The following PLB1 variants were observed in gnomAD, a reference collection of about 807,000 sequenced individuals.
PLB1 encodes the protein phospholipase B1.
A neutral mutation model predicts 227.4 loss-of-function variants in PLB1; 242 were observed. That is an observed-to-expected ratio of 1.06 (90% CI 0.96 to 1.18). The LOEUF (loss-of-function observed/expected upper bound fraction) is 1.18. Ranked by LOEUF, PLB1 falls within the 50% of genes most tolerant of loss-of-function variation. The pLI, the probability that PLB1 is intolerant of heterozygous loss-of-function variation, is 0.00. For missense variants in PLB1, 1,858 were observed against 1,816.3 expected (o/e 1.02, Z -0.42); for synonymous variants, 757 against 682.2 (o/e 1.11, Z -1.71).
intron 30 of PLB1, 32 bp from the exon 31 acceptor site, chr2:28,591,668 C>A (rs1264449949): frequency 6.2e-7 from 1 of 1,610,322 alleles, no homozygotes; most frequent in African/African-American, 1.3e-5. Context: ...CCTTTCAACC[C>A]TGAGATTCTG....
intron 4 of PLB1, among the ~76,000 whole-genome samples, chr2:28,523,371 CAT>C (rs1669798743): frequency 8.7e-6 from 1 of 114,842 alleles, no homozygotes; most frequent in African/African-American, 3.3e-5. Flanking sequence ...AACTCAGTGT[CAT>C]AGATATTTTT....
intron 1 of PLB1, among the ~76,000 whole-genome samples, chr2:28,506,004 A>C (rs1364143355): frequency 6.6e-6 from 1 of 152,160 alleles, no homozygotes; most frequent in Non-Finnish European, 1.5e-5. Context: ...AGAGGCTCAG[A>C]AGTTCTACTT....
Position 28,626,462 on chromosome 2 carries a change from C to A in PLB1, c.3614C>A (p.Thr1205Lys). 1 of 1,614,212 alleles carries A rather than the reference C, an allele frequency of 6.2e-7. No homozygotes were observed. Among genetic ancestry groups the A allele is most frequent in the Non-Finnish European group, 8.5e-7 (1 of 1,180,036 alleles). Residue 1205 changes from threonine to lysine, a missense_variant, in exon 51 of 58, where the codon ACA becomes AAA. Transcript: ENST00000327757. ...INLEKDWKLV[T>K]LFIGVNDLCH... is the part of the protein sequence containing the mutation. ...CTGGAGAAAGACTGGAAGCTGGTCA[C>A]ACTCTTCATTGGGGTCAACGACTTG... is the stretch of plus-strand genomic sequence containing the variant.
At chr2:28,565,140 A>G (rs890514026) in intron 18 of PLB1, 140 bp from the exon 19 acceptor site, 1 of 647,840 alleles carries the variant, frequency 1.5e-6, no homozygotes, top group Admixed American at 2.6e-5. Flanking sequence ...ATATGGAGAC[A>G]TGGTGCCATC....
At chr2:28,525,357 C>T (rs1670101471) in intron 5 of PLB1, 50 bp downstream of exon 5, 1 of 1,567,766 alleles carries the variant, frequency 6.4e-7, no homozygotes, top group Non-Finnish European at 8.7e-7. Context: ...GAGATGCTCC[C>T]ATCTAATCTT....
chr2:28,536,281 C>T (rs562566356), intron 9 of PLB1, among the ~76,000 whole-genome samples: 7 of 152,268 alleles, frequency 4.6e-5, no homozygotes, highest in African/African-American at 1.7e-4. Context: ...ACTCTGAAGG[C>T]AGGTGCTTTG....
intron 56 of PLB1, among the ~76,000 whole-genome samples, chr2:28,637,154 G>T (rs565381516): frequency 6.6e-6 from 1 of 152,036 alleles, no homozygotes; most frequent in Non-Finnish European, 1.5e-5. Context: ...TTAGCCAAGC[G>T]TGGTGGCACG....
At chr2:28,618,619 C>T (rs772052787) in intron 46 of PLB1, among the ~76,000 whole-genome samples, 2 of 152,218 alleles carry the variant, frequency 1.3e-5, no homozygotes. Flanking sequence ...GAGGCCTCCC[C>T]TCAATTCCCC....
At position 28,526,908 on chromosome 2, in the gene PLB1, A is replaced by G. The variant is rs537098822; in HGVS notation, c.325+963A>G. Reference sequence around the variant, plus strand: ...TCCAGCAGGGAAGGTTGAGCCTGGCAGTTCAGCCCTCCTGGATCTGATTGA... The same window carrying G: ...TCCAGCAGGGAAGGTTGAGCCTGGCGGTTCAGCCCTCCTGGATCTGATTGA... On this transcript the variant is annotated intron_variant, in intron 6 of 57. Coordinates refer to ENST00000327757, the MANE Select transcript of PLB1 (RefSeq NM_153021.5). Among the ~76,000 whole-genome samples the G allele has an allele frequency of 1.1e-4, 17 of 152,310 alleles. No homozygotes were observed. In the South Asian group the frequency reaches 3.5e-3, roughly 32 times the overall value.
intron 20 of PLB1, among the ~76,000 whole-genome samples, chr2:28,567,917 T>C (rs1423310481): frequency 6.6e-6 from 1 of 152,216 alleles, no homozygotes; most frequent in South Asian, 2.1e-4. Flanking sequence ...TAATTTTGCC[T>C]GGGAGGAATT....
At chr2:28,508,746 G>A (rs1009695110) in intron 1 of PLB1, among the ~76,000 whole-genome samples, 1 of 152,208 alleles carries the variant, frequency 6.6e-6, no homozygotes, top group African/African-American at 2.4e-5. Flanking sequence ...CACCCTTGCT[G>A]GTGTGGTCTG....
intron 56 of PLB1, among the ~76,000 whole-genome samples, chr2:28,638,159 T>C (rs191531003): frequency 6.6e-6 from 1 of 151,664 alleles, no homozygotes; most frequent in East Asian, 2.0e-4. Context: ...AGACAGATAA[T>C]CAACAAGGTC....
chr2:28,551,091 A>C (rs976150594), intron 16 of PLB1, among the ~76,000 whole-genome samples: 1 of 152,234 alleles, frequency 6.6e-6, no homozygotes, highest in Non-Finnish European at 1.5e-5. Context: ...GTTTTGATGT[A>C]AGACAGATTC....
chr2:28,601,505 T>C (rs1013464253), intron 37 of PLB1, among the ~76,000 whole-genome samples, 173 bp downstream of exon 37: 5 of 138,898 alleles, frequency 3.6e-5, no homozygotes, highest in Admixed American at 6.9e-5. Context: ...ACACACTTCT[T>C]ACCCCACCAC....
At chr2:28,582,625 A>G (rs918376035) in intron 25 of PLB1, 120 bp downstream of exon 25, 23 of 741,936 alleles carry the variant, frequency 3.1e-5, no homozygotes, top group South Asian at 5.4e-5. Flanking sequence ...TGACCACCCC[A>G]TCTTCTAACC....
chr2:28,603,371 A>G (rs1684196764), intron 39 of PLB1, among the ~76,000 whole-genome samples: 1 of 152,236 alleles, frequency 6.6e-6, no homozygotes, highest in African/African-American at 2.4e-5. Context: ...AAACTGGGCC[A>G]TAAGTACATG....
chr2:28,620,150 A>T, intron 46 of PLB1, 115 bp from the exon 47 acceptor site: 1 of 613,656 alleles, frequency 1.6e-6, no homozygotes, highest in Non-Finnish European at 2.8e-6. Flanking sequence ...AAAAGCCGGT[A>T]CTATTTTTAG....
chr2:28,598,621 C>T (rs754481347), intron 34 of PLB1, 31 bp from the exon 35 acceptor site: 2 of 1,547,708 alleles, frequency 1.3e-6, no homozygotes, highest in Non-Finnish European at 8.9e-7. Context: ...CTGTTCTGAG[C>T]CGTCTGCATC....
At chr2:28,589,926 C>A in intron 28 of PLB1, 79 bp from the exon 29 acceptor site, 1 of 1,428,558 alleles carries the variant, frequency 7.0e-7, no homozygotes, top group Non-Finnish European at 9.9e-7. Context: ...CCCTGCCTCC[C>A]GCACCCCTGA....
Sources: allele counts gnomAD v4.1 joint callset (sites outside exome capture counted in the v4.1 genomes callset), GRCh38; gene constraint gnomAD v4.1.1; transcripts MANE v1.5; gene names NCBI Gene and HGNC (gene_info 2026-07-23, HGNC 2026-07-21).